The following IMPG1 variants were observed in gnomAD, a reference collection of about 807,000 sequenced individuals.
IMPG1 encodes interphotoreceptor matrix proteoglycan 1.
IMPG1 carries 85 observed loss-of-function variants against 92.0 expected under a neutral mutation model. The observed-to-expected ratio is 0.92, with a 90% CI of 0.78 to 1.11. The LOEUF is 1.11. Ranked by LOEUF, IMPG1 falls within the 50% of genes least tolerant of loss-of-function variation. IMPG1 has a pLI of 0.00. For synonymous variants in IMPG1, 367 were observed against 334.1 expected (o/e 1.10, Z -1.08); for missense variants, 1,022 against 956.0 (o/e 1.07, Z -0.91).
Position 76,005,281 on chromosome 6 carries a change from A to G in IMPG1, c.1135+6T>C. Reference sequence around the variant, plus strand: ...TAAACTCAGAACTAAGCAATCATTAACTGACCATCAGTGAACTGAATTGTC... The same window carrying G: ...TAAACTCAGAACTAAGCAATCATTAGCTGACCATCAGTGAACTGAATTGTC... On this transcript the variant is annotated splice_donor_region_variant and intron_variant, in intron 10 of 16. Transcript: ENST00000369950. The G allele has an allele frequency of 6.2e-7, 1 of 1,613,660 alleles. No individual in the cohort carries two copies. Among genetic ancestry groups the G allele is most frequent in the Non-Finnish European group, 8.5e-7 (1 of 1,179,690 alleles).
At position 75,996,743 on chromosome 6, in the gene IMPG1, G is replaced by C. The variant is rs373668858; in HGVS notation, c.1291+6175C>G. ...AGCTATGTAATAACTTGAGGTTGGT[G>C]ACTGGGTGGTGCTGCACTATGGCTT... On this transcript the variant is annotated intron_variant, in intron 12 of 16. Coordinates refer to ENST00000369950, the MANE Select transcript of IMPG1 (RefSeq NM_001563.4). 3.0e-4 allele frequency among the ~76,000 whole-genome samples: 46 copies of C among 152,276 alleles called. 1 individual carries two copies. Among genetic ancestry groups the C allele is most frequent in the African/African-American group, 1.0e-3 (42 of 41,554 alleles).
intron 14 of IMPG1, among the ~76,000 whole-genome samples, chr6:75,946,230 C>T (rs1781925347): frequency 6.6e-6 from 1 of 152,190 alleles, no homozygotes; most frequent in Non-Finnish European, 1.5e-5. Flanking sequence ...TGCCTACAGG[C>T]GGTCTGTCTT....
At chr6:75,922,703 C>T (rs1201959807) in intron 16 of IMPG1, among the ~76,000 whole-genome samples, 1 of 152,152 alleles carries the variant, frequency 6.6e-6, no homozygotes, top group East Asian at 1.9e-4. Context: ...ATATCAGATC[C>T]TGTGTCCTAT....
In IMPG1 at chr6:76,072,419, T is replaced by C; in HGVS notation, c.67+3A>G. ...TTTAAAAGTAAACATTTAAGTAACT[T>C]ACCTTTGGTTCCTTGAACTTGGAGA... On this transcript the variant is annotated splice_donor_region_variant and intron_variant, in intron 1 of 16. Transcript: ENST00000369950. 1 of 1,498,284 alleles carries C rather than the reference T, an allele frequency of 6.7e-7. No homozygotes were observed. Among genetic ancestry groups the C allele is most frequent in the Admixed American group, 1.8e-5 (1 of 57,062 alleles). 92.8% of individuals were successfully genotyped at this position (1,498,284 alleles called of 1,614,324 possible). A position where few individuals can be genotyped will look rare whatever the true frequency, so the allele number is the denominator to read the frequency against.
At chr6:76,020,722 T>C (rs928890669) in intron 6 of IMPG1, among the ~76,000 whole-genome samples, 3 of 152,198 alleles carry the variant, frequency 2.0e-5, no homozygotes, top group African/African-American at 7.2e-5. Flanking sequence ...GACTAAGCTC[T>C]GAGTTTTTCT....
chr6:75,973,123 A>G (rs60135146), intron 12 of IMPG1, among the ~76,000 whole-genome samples: 28,284 of 152,010 alleles, frequency 0.19, 4,126 homozygotes, highest in African/African-American at 0.4. Flanking sequence ...AATTACGGGG[A>G]CATACTATCA....
In IMPG1 at chr6:76,018,704, CCGGGT is replaced by C; in HGVS notation, c.807+9_807+13del. 1 of 1,611,148 alleles carries C rather than the reference CCGGGT, an allele frequency of 6.2e-7. No individual in the cohort carries two copies. The highest frequency in any genetic ancestry group is 8.5e-7 in the Non-Finnish European group (1 of 1,178,614). On this transcript the variant is annotated intron_variant, in intron 7 of 16. Coordinates refer to ENST00000369950, the MANE Select transcript of IMPG1 (RefSeq NM_001563.4). ...ACAGCTTGAGGTGTGGTTGTATGGG[CCGGGT>C]CTACTCACCTGAAGTTGGGACTTTC...
chr6:76,006,954 T>A (rs1783108761), intron 9 of IMPG1, among the ~76,000 whole-genome samples: 1 of 151,996 alleles, frequency 6.6e-6, no homozygotes, highest in Non-Finnish European at 1.5e-5. Context: ...GATGACACAA[T>A]CATTTAGAGT....
Position 75,992,164 on chromosome 6 carries a change from C to T in IMPG1, c.1291+10754G>A, listed in dbSNP as rs146886397. On this transcript the variant is annotated intron_variant, in intron 12 of 16. Coordinates refer to ENST00000369950, the MANE Select transcript of IMPG1 (RefSeq NM_001563.4). The stretch of plus-strand genomic sequence containing the variant: ...TGCCAGCAGATGGCCTTCGGACCAT[C>T]GACTGCAACAAGAACTGCATCAAAG... 1.8e-3 allele frequency among the ~76,000 whole-genome samples: 273 copies of T among 152,298 alleles called. 2 individuals are homozygous for T. Among genetic ancestry groups the T allele is most frequent in the African/African-American group, 6.4e-3 (265 of 41,564 alleles).
chr6:76,033,593 C>T (rs1783687457), intron 4 of IMPG1, among the ~76,000 whole-genome samples: 1 of 152,180 alleles, frequency 6.6e-6, no homozygotes, highest in Non-Finnish European at 1.5e-5. Context: ...AGGTCCTAGA[C>T]TAGGTTAGTG....
intron 15 of IMPG1, among the ~76,000 whole-genome samples, chr6:75,923,913 A>G (rs1781476422): frequency 6.6e-6 from 1 of 152,074 alleles, no homozygotes; most frequent in African/African-American, 2.4e-5. Context: ...ACTATTTCTT[A>G]GGCAGTGGTC....
chr6:75,999,272 C>T (rs1782947900), intron 12 of IMPG1, among the ~76,000 whole-genome samples: 1 of 152,192 alleles, frequency 6.6e-6, no homozygotes, highest in Non-Finnish European at 1.5e-5. Context: ...CATACCAATT[C>T]TTTTAGTGTC....
At chr6:75,947,281 A>T in intron 14 of IMPG1, 33 bp downstream of exon 14, 1 of 1,521,556 alleles carries the variant, frequency 6.6e-7, no homozygotes, top group Non-Finnish European at 9.1e-7. Flanking sequence ...TGAACAAAAC[A>T]TCTCTACCAC....
chr6:75,976,105 A>G (rs779560024), intron 12 of IMPG1, among the ~76,000 whole-genome samples: 2 of 152,182 alleles, frequency 1.3e-5, no homozygotes, highest in African/African-American at 2.4e-5. Context: ...CAATGATAAC[A>G]TCTTATTGGT....
Position 76,034,801 on chromosome 6 carries a change from T to A in IMPG1, c.302-14A>T, listed in dbSNP as rs181380659. On this transcript the variant is annotated splice_polypyrimidine_tract_variant and intron_variant, in intron 2 of 16. Transcript: ENST00000369950. ...CTTCCTGACACACTGTAATACAGAG[T>A]CATTAATGGCCATGCCCTAAGAGGG... is the stretch of plus-strand genomic sequence containing the variant. 5.0e-6 allele frequency: 8 copies of A among 1,606,130 alleles called. No homozygotes were observed. The Admixed American group carries it at 1.3e-4, about 27-fold the overall frequency.
At chr6:76,058,603 C>T in intron 1 of IMPG1, among the ~76,000 whole-genome samples, 1 of 152,130 alleles carries the variant, frequency 6.6e-6, no homozygotes, top group East Asian at 1.9e-4. Flanking sequence ...CTGTGCAAGC[C>T]TTACAGCTTC....
chr6:76,023,385 T>A (rs545349771), intron 5 of IMPG1, among the ~76,000 whole-genome samples: 8 of 152,356 alleles, frequency 5.3e-5, no homozygotes, highest in African/African-American at 1.9e-4. Flanking sequence ...AATAAAAAAG[T>A]ACTTAGCTGG....
chr6:76,050,285 TA>T (rs1003350002), intron 1 of IMPG1, among the ~76,000 whole-genome samples: 10 of 151,492 alleles, frequency 6.6e-5, no homozygotes, highest in Admixed American at 5.9e-4. Flanking sequence ...ACTAAAAATA[TA>T]AAAAAAATTA....
At chr6:75,967,352 G>C (rs569307565) in intron 12 of IMPG1, among the ~76,000 whole-genome samples, 1 of 152,214 alleles carries the variant, frequency 6.6e-6, no homozygotes, top group African/African-American at 2.4e-5. Flanking sequence ...TGGTGGGTTG[G>C]GGGTGAGAAG....
Sources: allele counts gnomAD v4.1 joint callset (sites outside exome capture counted in the v4.1 genomes callset), GRCh38; gene constraint gnomAD v4.1.1; transcripts MANE v1.5; gene names NCBI Gene and HGNC (gene_info 2026-07-23, HGNC 2026-07-21).